ANKAR: variants seen among roughly 807,000 people sequenced by gnomAD.
ANKAR encodes ankyrin and armadillo repeat containing.
A neutral mutation model predicts 146.2 loss-of-function variants in ANKAR; 136 were observed. The observed-to-expected ratio is 0.93, with a 90% CI of 0.81 to 1.07. The LOEUF (loss-of-function observed/expected upper bound fraction) is 1.07. Among genes scored for constraint, ANKAR ranks in the 50% least tolerant of loss-of-function variants. The pLI, the probability that ANKAR is intolerant of heterozygous loss-of-function variation, is 0.00. For synonymous variants in ANKAR, 500 were observed against 575.8 expected (o/e 0.87, Z 1.88); for missense variants, 1,567 against 1,679.9 (o/e 0.93, Z 1.18).
At chr2:189,740,955 A>G (rs1454360982) in intron 19 of ANKAR, among the ~76,000 whole-genome samples, 1 of 152,208 alleles carries the variant, frequency 6.6e-6, no homozygotes, top group African/African-American at 2.4e-5. Context: ...CGGTCTCCCA[A>G]AGGGCTGGAA....
At chr2:189,759,551 A>G (rs544897917) in intron 18 of ANKAR, among the ~76,000 whole-genome samples, 1 of 152,162 alleles carries the variant, frequency 6.6e-6, no homozygotes, top group South Asian at 2.1e-4. Context: ...CGCCCAGCCA[A>G]TTTTCCTATT....
intron 18 of ANKAR, chr2:189,753,972 G>T: frequency 5.6e-6 from 9 of 1,613,734 alleles, no homozygotes; most frequent in Non-Finnish European, 7.6e-6. Context: ...AGAATAGCCC[G>T]ATGTGTTCTT....
chr2:189,724,732 T>A (rs1022482614), intron 12 of ANKAR, among the ~76,000 whole-genome samples: 1 of 152,114 alleles, frequency 6.6e-6, no homozygotes, highest in Non-Finnish European at 1.5e-5. Context: ...TAATTAACCT[T>A]GATAGTATAT....
intron 16 of ANKAR, 127 bp from the exon 17 acceptor site, chr2:189,732,980 A>G (rs2042554447): frequency 2.3e-6 from 2 of 885,780 alleles, no homozygotes; most frequent in Non-Finnish European, 3.2e-6. Context: ...ACTGGAATCA[A>G]TGGATTATAT....
At chr2:189,729,716 G>GTGTGTGTGTGT (rs1553529034) in intron 15 of ANKAR, among the ~76,000 whole-genome samples, 7 of 69,470 alleles carry the variant, frequency 1.0e-4, no homozygotes, top group Non-Finnish European at 2.4e-4. Context: ...GTGTGTGTGT[G>GTGTGTGTGTGT]GTGCGGGTGG....
chr2:189,746,373 T>C lies in ANKAR; in HGVS notation c.4058-7T>C, dbSNP rs374215666. The C allele has an allele frequency of 6.3e-7, 1 of 1,597,058 alleles. No homozygotes were observed. Among genetic ancestry groups the C allele is most frequent in the Non-Finnish European group, 8.5e-7 (1 of 1,174,796 alleles). On this transcript the variant is annotated splice_region_variant and splice_polypyrimidine_tract_variant and intron_variant, in intron 22 of 22. Transcript: ENST00000684021. Reference sequence around the variant, plus strand: ...AGGAGAGACATTTAATTGTGGCTAATTTTTAGGGAAGGAGCACCGAAGAAA... The same window carrying C: ...AGGAGAGACATTTAATTGTGGCTAACTTTTAGGGAAGGAGCACCGAAGAAA...
intron 12 of ANKAR, among the ~76,000 whole-genome samples, chr2:189,722,754 G>A (rs1343473088): frequency 5.3e-5 from 8 of 151,742 alleles, no homozygotes; most frequent in African/African-American, 9.7e-5. Flanking sequence ...GTGGTGGCGC[G>A]TGCCTGTAAT....
chr2:189,717,022 A>G (rs1476475084), intron 10 of ANKAR, among the ~76,000 whole-genome samples: 1 of 152,166 alleles, frequency 6.6e-6, no homozygotes, highest in Non-Finnish European at 1.5e-5. Flanking sequence ...TTCAGGACAT[A>G]GGCATGGGCA....
At chr2:189,754,154 CT>C in intron 18 of ANKAR, 1 of 1,611,208 alleles carries the variant, frequency 6.2e-7, no homozygotes, top group Non-Finnish European at 8.5e-7. Context: ...CCTCTTTTTC[CT>C]TTTTCATTAT....
At chr2:189,762,785 GA>G (rs991480345), downstream of ANKAR, 103 of 985,518 alleles carry the variant, frequency 1.0e-4, no homozygotes, top group Middle Eastern at 5.2e-4. Flanking sequence ...CTGGCGCCCG[GA>G]AGTGATGTCA....
At chr2:189,681,437 T>C (rs559295848) in intron 2 of ANKAR, among the ~76,000 whole-genome samples, 6 of 152,300 alleles carry the variant, frequency 3.9e-5, no homozygotes, top group East Asian at 3.9e-4. Context: ...ATATCTGAGG[T>C]TGCCACCCTC....
At chr2:189,738,824 A>ATACGGCG in intron 19 of ANKAR, 142 bp downstream of exon 19, 1 of 539,074 alleles carries the variant, frequency 1.9e-6, no homozygotes. Context: ...ATCTACATGG[A>ATACGGCG]ACTCCACAGC....
intron 18 of ANKAR, among the ~76,000 whole-genome samples, chr2:189,753,326 C>G (rs2045583818): frequency 6.6e-6 from 1 of 151,970 alleles, no homozygotes; most frequent in South Asian, 2.1e-4. Flanking sequence ...TCTTTGATAT[C>G]CATGTAAAAT....
intron 5 of ANKAR, among the ~76,000 whole-genome samples, chr2:189,694,676 C>T (rs2036938855): frequency 6.6e-6 from 1 of 152,170 alleles, no homozygotes; most frequent in South Asian, 2.1e-4. Context: ...GGTAGGTAAG[C>T]AGACAGTTAG....
At position 189,760,609 on chromosome 2, in the gene ANKAR, G is replaced by A. The variant is rs1190519981; in HGVS notation, c.*585-489G>A. Among the ~76,000 whole-genome samples the A allele has an allele frequency of 2.0e-5, 3 of 152,244 alleles. No individual in the cohort carries two copies. The East Asian group carries it at 5.8e-4, about 29-fold the overall frequency. On this transcript the variant is annotated intron_variant and NMD_transcript_variant, in intron 18 of 18. Coordinates refer to the ANKAR transcript ENST00000441800. ...AGATTGAGACCATCCTGGCCAACAT[G>A]GTGAAACCCCGTCTCTACTAAAATG...
intron 6 of ANKAR, among the ~76,000 whole-genome samples, chr2:189,695,821 A>G (rs1228271704): frequency 6.6e-6 from 1 of 152,240 alleles, no homozygotes; most frequent in African/African-American, 2.4e-5. Context: ...TTCTACAGCT[A>G]TATATTTCAA....
At chr2:189,694,576 G>A (rs768096939) in intron 5 of ANKAR, among the ~76,000 whole-genome samples, 19 of 152,128 alleles carry the variant, frequency 1.2e-4, no homozygotes, top group Non-Finnish European at 2.5e-4. Flanking sequence ...AAAAGCCAAG[G>A]AGCCATTGCC....
intron 11 of ANKAR, 90 bp downstream of exon 11, chr2:189,719,903 T>C: frequency 7.6e-7 from 1 of 1,307,882 alleles, no homozygotes; most frequent in Non-Finnish European, 1.0e-6. Context: ...TACTATTCAG[T>C]GACAAAACTC....
Position 189,733,132 on chromosome 2 carries a change from G to A in ANKAR, c.3326G>A (p.Cys1109Tyr). The change falls in exon 17 of 23, where the codon TGC becomes TAC. Residue 1109 changes from cysteine (C) to tyrosine (Y), a missense_variant. Transcript: ENST00000684021. Reference protein sequence around the residue: ...IKVEVAFSLACIVLGNDVLQK... With the variant: ...IKVEVAFSLAYIVLGNDVLQK... Reference sequence around the variant, plus strand: ...GTTGAAGTGGCATTTTCCTTGGCATGCATTGTCCTAGGGAATGATGTGTTA... The same window carrying A: ...GTTGAAGTGGCATTTTCCTTGGCATACATTGTCCTAGGGAATGATGTGTTA... 6.2e-7 allele frequency: 1 copy of A among 1,608,830 alleles called. No homozygotes were observed. The highest frequency in any genetic ancestry group is 8.5e-7 in the Non-Finnish European group (1 of 1,178,096).
Sources: gnomAD v4.1 joint callset for allele counts (sites outside exome capture counted in the v4.1 genomes callset) on GRCh38, gnomAD v4.1.1 for gene constraint, MANE v1.5 for transcripts, NCBI Gene and HGNC (gene_info 2026-07-23, HGNC 2026-07-21) for gene names.